Variants in BBS9 observed in about 807,000 individuals in gnomAD.
BBS9 encodes the protein protein PTHB1.
A neutral mutation model predicts 117.7 loss-of-function variants in BBS9; 89 were observed. The observed-to-expected ratio is 0.76, with a 90% CI of 0.64 to 0.90. The LOEUF is 0.90. Ranked by LOEUF, BBS9 falls within the 40% of genes least tolerant of loss-of-function variation. The pLI, the probability that BBS9 is intolerant of heterozygous loss-of-function variation, is 0.00. For synonymous variants in BBS9, 379 were observed against 370.9 expected, an observed-to-expected ratio of 1.02 and a Z score of -0.25; for missense variants, 982 against 1,042.2, an observed-to-expected ratio of 0.94 and a Z score of 0.80.
At chr7:33,541,879 A>T (rs1852363830) in intron 21 of BBS9, among the ~76,000 whole-genome samples, 1 of 152,194 alleles carries the variant, frequency 6.6e-6, no homozygotes, top group Admixed American at 6.5e-5. Flanking sequence ...TTGTGGTGAT[A>T]TGACTATACT....
intron 9 of BBS9, among the ~76,000 whole-genome samples, chr7:33,330,307 G>A (rs927514834): frequency 2.0e-5 from 3 of 152,100 alleles, no homozygotes; most frequent in South Asian, 4.1e-4. Flanking sequence ...AAGCCACCGC[G>A]CCTGGTCTAT....
intron 5 of BBS9, among the ~76,000 whole-genome samples, chr7:33,251,898 G>C (rs942296928): frequency 1.3e-5 from 2 of 152,126 alleles, no homozygotes; most frequent in East Asian, 3.9e-4. Flanking sequence ...TAGAGTTTCA[G>C]GAAATAGGAC....
chr7:33,531,971 A>C (rs1274887045), intron 20 of BBS9, among the ~76,000 whole-genome samples: 1 of 152,250 alleles, frequency 6.6e-6, no homozygotes, highest in African/African-American at 2.4e-5. Context: ...TGCAGCAAAC[A>C]TATTTCTTGA....
intron 9 of BBS9, chr7:33,314,384 G>T: frequency 3.0e-6 from 1 of 337,444 alleles, no homozygotes; most frequent in Non-Finnish European, 5.8e-6. Flanking sequence ...TCAAAGCTCA[G>T]TGCTAGATTA....
chr7:33,279,292 T>A (rs1373601017), intron 9 of BBS9, among the ~76,000 whole-genome samples: 2 of 152,172 alleles, frequency 1.3e-5, no homozygotes, highest in Non-Finnish European at 2.9e-5. Flanking sequence ...CCCAGGCTGG[T>A]CTTGAACTTA....
rs1173987133 is a variant in BBS9 at position 33,605,546 on chromosome 7, TC to T, written c.*322del. ...AGATTTTATAATGCAAAGATTCAGA[TC>T]CAAAATAATTTCATACCCCATTTTT... On this transcript the variant is annotated 3_prime_UTR_variant, in exon 23 of 23. Transcript: ENST00000242067. 2.8e-6 allele frequency: 1 copy of T among 360,414 alleles called. No homozygotes were observed. The highest frequency in any genetic ancestry group is 2.0e-5 in the African/African-American group (1 of 48,826). 22.3% of individuals were successfully genotyped at this position (360,414 alleles called of 1,614,324 possible).
intron 9 of BBS9, among the ~76,000 whole-genome samples, chr7:33,309,118 A>G (rs935825420): frequency 2.0e-5 from 3 of 152,200 alleles, no homozygotes; most frequent in Non-Finnish European, 4.4e-5. Context: ...TATGGTTCTC[A>G]GTCTTGATGA....
chr7:33,534,444 A>T (rs1851060143), intron 21 of BBS9: 1 of 511,924 alleles, frequency 2.0e-6, no homozygotes, highest in Admixed American at 3.2e-5. Flanking sequence ...CTTCTAACTA[A>T]TAAAAAGTGG....
rs1186462674 is a variant in BBS9 at position 33,424,950 on chromosome 7, A to G, written c.2115+36806A>G. Among the ~76,000 whole-genome samples, 3 of 152,190 alleles carry G rather than the reference A, an allele frequency of 2.0e-5. No individual in the cohort carries two copies. In the East Asian group the frequency reaches 5.8e-4, roughly 29 times the overall value. Reference sequence around the variant, plus strand: ...TTAAAAAGTTTATGATTTTTTGGATATAAATTAATATTTTAAAAATGTTTA... The same window carrying G: ...TTAAAAAGTTTATGATTTTTTGGATGTAAATTAATATTTTAAAAATGTTTA... On this transcript the variant is annotated intron_variant, in intron 19 of 22. Transcript: ENST00000242067.
chr7:33,398,054 G>A (rs912204771), intron 19 of BBS9, among the ~76,000 whole-genome samples: 10 of 152,144 alleles, frequency 6.6e-5, no homozygotes, highest in African/African-American at 2.4e-4. Context: ...CAATGTGAAT[G>A]CATTAATATA....
intron 7 of BBS9, among the ~76,000 whole-genome samples, chr7:33,270,232 G>A (rs535578749): frequency 1.3e-5 from 2 of 151,970 alleles, no homozygotes; most frequent in East Asian, 1.9e-4. Context: ...TACACCTCAC[G>A]AAAAGGAATA....
rs769404963 is a variant in BBS9, at chr7:33,336,586, C to T, written c.1162C>T (p.Leu388Phe). 1.2e-5 allele frequency: 19 copies of T among 1,612,364 alleles called. No homozygotes were observed. The South Asian group carries it at 2.0e-4, about 17-fold the overall frequency. ...YDELDVEMKE[L>F]QKIIKDVNKS... is the part of the protein sequence containing the mutation. ...TGAACTTGATGTAGAAATGAAAGAA[C>T]TTCAGAAAATCATCAAAGATGTTAA... The change falls in exon 10 of 23, where the codon CTT becomes TTT. Residue 388 changes from leucine to phenylalanine, a missense_variant. Transcript: ENST00000242067.
At position 33,463,279 on chromosome 7, in the gene BBS9, C is replaced by T. The variant is rs140505320; in HGVS notation, c.2116-42184C>T. On this transcript the variant is annotated intron_variant, in intron 19 of 22. Transcript: ENST00000242067. ...ACAGACAGGCAACAGCTTAGATTTT[C>T]CTTTTGTAACCAATTGTGCTGGCAT... is the stretch of plus-strand genomic sequence containing the variant. Among the ~76,000 whole-genome samples, 235 of 152,166 alleles carry T rather than the reference C, an allele frequency of 1.5e-3. 2 individuals are homozygous for T. The highest frequency in any genetic ancestry group is 6.8e-3 in the Middle Eastern group (2 of 294).
intron 6 of BBS9, among the ~76,000 whole-genome samples, chr7:33,262,157 T>C (rs1798075014): frequency 6.6e-6 from 1 of 152,182 alleles, no homozygotes; most frequent in Admixed American, 6.6e-5. Flanking sequence ...CTGAGTTGTC[T>C]TTTAGGAAGA....
chr7:33,278,734 A>T (rs1339451307), intron 9 of BBS9, among the ~76,000 whole-genome samples: 1 of 152,092 alleles, frequency 6.6e-6, no homozygotes, highest in East Asian at 1.9e-4. Flanking sequence ...GCCAAAGATG[A>T]CCCTCAGTAG....
intron 21 of BBS9, among the ~76,000 whole-genome samples, chr7:33,584,201 C>A (rs1860496721): frequency 1.3e-5 from 2 of 151,886 alleles, no homozygotes; most frequent in African/African-American, 4.8e-5. Context: ...TCTACCTAGT[C>A]TATGTGATAG....
chr7:33,340,733 G>T (rs1016320363), intron 10 of BBS9, among the ~76,000 whole-genome samples, 164 bp from the exon 11 acceptor site: 1 of 152,106 alleles, frequency 6.6e-6, no homozygotes, highest in African/African-American at 2.4e-5. Context: ...TAGAGGGAAA[G>T]AATTAGCATC....
chr7:33,424,140 T>TA (rs920620694), intron 19 of BBS9, among the ~76,000 whole-genome samples: 2 of 152,278 alleles, frequency 1.3e-5, no homozygotes, highest in East Asian at 3.9e-4. Context: ...ATTGTATATT[T>TA]AAAAAAATTC....
At chr7:33,346,260 A>G (rs756641117) in intron 12 of BBS9, 2 of 470,608 alleles carry the variant, frequency 4.2e-6, no homozygotes, top group South Asian at 1.6e-5. Context: ...AGTTTCCATC[A>G]TAATAAATCC....
Sources: allele counts gnomAD v4.1 joint callset (sites outside exome capture counted in the v4.1 genomes callset), GRCh38; gene constraint gnomAD v4.1.1; transcripts MANE v1.5; gene names NCBI Gene and HGNC (gene_info 2026-07-23, HGNC 2026-07-21).